Variants in DLGAP2 observed in about 807,000 individuals in gnomAD.
The protein encoded by DLGAP2 is disks large-associated protein 2.
In DLGAP2, 26 loss-of-function variants were observed where a neutral mutation model predicts 100.3. The observed-to-expected ratio is 0.26, with a 90% CI of 0.19 to 0.36. The LOEUF is 0.36. Among genes scored for constraint, DLGAP2 ranks in the 10% least tolerant of loss-of-function variants. The probability of loss-of-function intolerance (pLI) is 1.00; values close to 1 mark genes in which losing one functional copy is unlikely to be tolerated. For missense variants in DLGAP2, 1,858 were observed against 1,453.2 expected (o/e 1.28, Z -4.53); for synonymous variants, 886 against 630.1 (o/e 1.41, Z -6.08).
At chr8:1,490,948 A>T (rs1449958397) in intron 3 of DLGAP2, among the ~76,000 whole-genome samples, 1 of 150,684 alleles carries the variant, frequency 6.6e-6, no homozygotes, top group Admixed American at 6.7e-5. Flanking sequence ...TGGGTGCAGC[A>T]CACCAACATG....
intron 3 of DLGAP2, among the ~76,000 whole-genome samples, chr8:1,299,289 G>C (rs945551226): frequency 6.6e-6 from 1 of 152,218 alleles, no homozygotes; most frequent in African/African-American, 2.4e-5. Flanking sequence ...CCAGGGTGCC[G>C]CATGGATGGT....
intron 3 of DLGAP2, among the ~76,000 whole-genome samples, chr8:1,414,096 C>G (rs1796810183): frequency 6.6e-6 from 1 of 152,176 alleles, no homozygotes; most frequent in East Asian, 1.9e-4. Context: ...GGCATTCTTT[C>G]AAGGTCAGTA....
chr8:1,296,462 GC>G (rs1382884783), intron 3 of DLGAP2, among the ~76,000 whole-genome samples: 8 of 152,128 alleles, frequency 5.3e-5, no homozygotes, highest in Non-Finnish European at 1.0e-4. Flanking sequence ...AGATTTCTTA[GC>G]CCTCATATTG....
chr8:750,275 G>A (rs962785167), intron 1 of DLGAP2, among the ~76,000 whole-genome samples: 1 of 152,218 alleles, frequency 6.6e-6, no homozygotes, highest in African/African-American at 2.4e-5. Flanking sequence ...CTTGCCACAC[G>A]AGGGGAGGTC....
chr8:1,283,670 T>C (rs548225314), intron 3 of DLGAP2, among the ~76,000 whole-genome samples: 6 of 152,352 alleles, frequency 3.9e-5, no homozygotes, highest in African/African-American at 1.2e-4. Flanking sequence ...AAAATGCTTT[T>C]TGTCACCTAA....
chr8:1,190,450 C>T (rs1304825334), intron 2 of DLGAP2, among the ~76,000 whole-genome samples: 2 of 151,766 alleles, frequency 1.3e-5, no homozygotes, highest in African/African-American at 4.8e-5. Context: ...GTTGGAGTCG[C>T]TCCCCTGTGA....
chr8:753,937 C>T lies in DLGAP2; in HGVS notation c.18+16112C>T, dbSNP rs532856758. On this transcript the variant is annotated intron_variant, in intron 1 of 14. Coordinates refer to ENST00000637795, the MANE Select transcript of DLGAP2 (RefSeq NM_001346810.2). ...AGGAAGGGCCTTCGCGGCCCCACCA[C>T]GGGCCGACCCTGGGCGCGGTGTCAG... is the stretch of plus-strand genomic sequence containing the variant. 2.6e-5 allele frequency: 4 copies of T among 152,366 alleles called. No homozygotes were observed. In the East Asian group the frequency reaches 5.8e-4, roughly 22 times the overall value. The allele number at this position is 152,366 out of a possible 1,614,324, so 9.4% of individuals were successfully genotyped here. A position where few individuals can be genotyped will look rare whatever the true frequency, so the allele number is the denominator to read the frequency against.
At chr8:1,298,471 A>G (rs1800246684) in intron 3 of DLGAP2, among the ~76,000 whole-genome samples, 1 of 152,102 alleles carries the variant, frequency 6.6e-6, no homozygotes. Flanking sequence ...TTTCATGGGG[A>G]CACACAGGAG....
chr8:871,790 G>C (rs1351798191), intron 1 of DLGAP2, among the ~76,000 whole-genome samples: 2 of 152,190 alleles, frequency 1.3e-5, no homozygotes, highest in Admixed American at 6.5e-5. Flanking sequence ...AGATCAATGG[G>C]AGAAACTGAC....
chr8:1,083,802 T>C (rs2336696), intron 2 of DLGAP2, among the ~76,000 whole-genome samples: 55,181 of 152,032 alleles, frequency 0.36, 10,278 homozygotes, highest in East Asian at 0.49. Flanking sequence ...ACTATGAATG[T>C]ACCTTAATGA....
chr8:1,329,497 T>G (rs1469003843), intron 3 of DLGAP2, among the ~76,000 whole-genome samples: 2 of 152,188 alleles, frequency 1.3e-5, no homozygotes, highest in Non-Finnish European at 2.9e-5. Flanking sequence ...TCCCAAGAGT[T>G]TCATTTAGAG....
At chr8:950,102 G>T (rs909900878) in intron 2 of DLGAP2, among the ~76,000 whole-genome samples, 3 of 152,160 alleles carry the variant, frequency 2.0e-5, no homozygotes, top group African/African-American at 4.8e-5. Context: ...GGTGCCGCGG[G>T]GCTCAATACT....
chr8:1,365,552 A>T (rs2129680180), intron 3 of DLGAP2, among the ~76,000 whole-genome samples: 1 of 152,290 alleles, frequency 6.6e-6, no homozygotes, highest in South Asian at 2.1e-4. Context: ...GGCTTCGGGA[A>T]GTTTGCTCGC....
At position 1,702,499 on chromosome 8, in the gene DLGAP2, G is replaced by C. The variant is rs150316928; in HGVS notation, c.*1093G>C. On this transcript the variant is annotated 3_prime_UTR_variant, in exon 15 of 15. Transcript: ENST00000637795. Reference sequence around the variant, plus strand: ...TAAAGAAGAAATGTAGTTTACATTTGTATTTTTCCAGAATTCTTTTGTCCT... The same window carrying C: ...TAAAGAAGAAATGTAGTTTACATTTCTATTTTTCCAGAATTCTTTTGTCCT... 386 of 152,622 alleles carry C rather than the reference G, an allele frequency of 2.5e-3. 2 individuals carry two copies. Among genetic ancestry groups the C allele is most frequent in the Admixed American group, 4.6e-3 (71 of 15,282 alleles). The allele number at this position is 152,622 out of a possible 1,614,324, so 9.5% of individuals were successfully genotyped here.
chr8:1,437,419 A>G (rs1797676081), intron 3 of DLGAP2, among the ~76,000 whole-genome samples: 1 of 152,224 alleles, frequency 6.6e-6, no homozygotes, highest in Non-Finnish European at 1.5e-5. Context: ...ACTTGTAATG[A>G]TGGAACGTAG....
intron 3 of DLGAP2, among the ~76,000 whole-genome samples, chr8:1,359,375 C>G (rs1375423644): frequency 6.6e-6 from 1 of 152,256 alleles, no homozygotes; most frequent in Non-Finnish European, 1.5e-5. Flanking sequence ...GAAATTGAGC[C>G]TGTGCTGCCC....
At chr8:1,304,790 C>G (rs73670723) in intron 3 of DLGAP2, among the ~76,000 whole-genome samples, 3 of 152,124 alleles carry the variant, frequency 2.0e-5, no homozygotes, top group African/African-American at 7.2e-5. Flanking sequence ...ACTTGTAAAT[C>G]CATATTTTGT....
intron 6 of DLGAP2, among the ~76,000 whole-genome samples, chr8:1,617,139 G>A (rs1371642998): frequency 1.3e-5 from 2 of 152,172 alleles, no homozygotes; most frequent in South Asian, 2.1e-4. Flanking sequence ...ACCATTGATG[G>A]GCATTTAGGT....
At chr8:1,435,654 C>T (rs1244629871) in intron 3 of DLGAP2, among the ~76,000 whole-genome samples, 1 of 151,676 alleles carries the variant, frequency 6.6e-6, no homozygotes, top group African/African-American at 2.4e-5. Context: ...TGTGGAAAAC[C>T]ATTATCTGTA....
Sources: gnomAD v4.1 joint callset for allele counts (sites outside exome capture counted in the v4.1 genomes callset) on GRCh38, gnomAD v4.1.1 for gene constraint, MANE v1.5 for transcripts, NCBI Gene and HGNC (gene_info 2026-07-23, HGNC 2026-07-21) for gene names.